ESPL1: variants seen among roughly 807,000 people sequenced by gnomAD.
The protein encoded by ESPL1 is extra spindle pole bodies like 1, separase.
ESPL1 carries 50 observed loss-of-function variants against 217.2 expected under a neutral mutation model. The observed-to-expected ratio is 0.23, with a 90% CI of 0.18 to 0.29. The LOEUF (loss-of-function observed/expected upper bound fraction) is 0.29, where lower values mean the gene tolerates loss of function less well. Ranked by LOEUF, ESPL1 falls within the 10% of genes least tolerant of loss-of-function variation. The pLI is 1.00. For missense variants in ESPL1, 1,834 were observed against 2,603.0 expected (o/e 0.70, Z 6.43); for synonymous variants, 994 against 1,081.3 (o/e 0.92, Z 1.58).
chr12:53,286,194 G>C lies in ESPL1; in HGVS notation c.3458G>C (p.Ser1153Thr), dbSNP rs1332222608. The C allele has an allele frequency of 6.2e-7, 1 of 1,614,248 alleles. No homozygotes were observed. Among genetic ancestry groups the C allele is most frequent in the Non-Finnish European group, 8.5e-7 (1 of 1,180,050 alleles). Residue 1153 changes from serine (S) to threonine (T), a missense_variant, in exon 18 of 31, where the codon AGC (serine) becomes ACC (threonine). This residue lies in a region of ESPL1 where 681 missense variants were observed against 808.0 expected (regional missense o/e 0.84). Coordinates refer to ENST00000257934, the MANE Select transcript of ESPL1 (RefSeq NM_012291.5). The surrounding 1 kb of genome is among the most constrained non-coding windows in gnomAD (Gnocchi z 5.3). ...ACCTGTGACTGCTCGCTCTGCGCCA[G>C]CCCTGTCCTCACAGCAGTCTGTCTG... Reference protein sequence around the residue: ...SPTCDCSLCASPVLTAVCLRW... With the variant: ...SPTCDCSLCATPVLTAVCLRW...
chr12:53,286,902 C>A lies in ESPL1; in HGVS notation c.4166C>A (p.Thr1389Lys). The change falls in exon 18 of 31, where the codon ACG (threonine) becomes AAG (lysine). Residue 1389 changes from threonine (T) to lysine (K), a missense_variant. This residue lies in a region of ESPL1 where 681 missense variants were observed against 808.0 expected (regional missense o/e 0.84). Transcript: ENST00000257934. This position sits in a 1 kb window ranked among gnomAD's most constrained non-coding sequence, Gnocchi z 5.3. ...CCCAGGGTACAACAGAGAGTCCAGA[C>A]GCGCCTCAAGGTGAGGTGGGACTGT... ...QAPRVQQRVQ[T>K]RLKVNFSDDS... 6.3e-7 allele frequency: 1 copy of A among 1,595,318 alleles called. No individual in the cohort carries two copies. Among genetic ancestry groups the A allele is most frequent in the Non-Finnish European group, 8.5e-7 (1 of 1,171,270 alleles).
chr12:53,277,705 G>A (rs550485183), intron 10 of ESPL1, 97 bp downstream of exon 10: 2 of 1,570,422 alleles, frequency 1.3e-6, no homozygotes, highest in East Asian at 4.5e-5. Flanking sequence ...TGTAGGGTAG[G>A]AGGTTGTGGA....
Position 53,284,114 on chromosome 12 carries a change from A to C in ESPL1, c.3134A>C (p.Asp1045Ala). ...GELELARNDI[D>A]LCQSDLQQVL... ...CTGGAGCTGGCCCGCAATGACATTGATCTCTGTCAGTCGGACCTGCAGCAG... is the reference window on the plus strand; with the variant it reads ...CTGGAGCTGGCCCGCAATGACATTGCTCTCTGTCAGTCGGACCTGCAGCAG... The change falls in exon 17 of 31, where the codon GAT (aspartate) becomes GCT (alanine). Residue 1045 changes from aspartate to alanine, a missense_variant. Around this residue, in one of 5 missense-constraint regions of ESPL1, gnomAD observed 107 missense variants for 171.7 expected, o/e 0.62. Coordinates refer to ENST00000257934, the MANE Select transcript of ESPL1 (RefSeq NM_012291.5). The C allele has an allele frequency of 6.2e-7, 1 of 1,614,064 alleles. No individual in the cohort carries two copies. Among genetic ancestry groups the C allele is most frequent in the Non-Finnish European group, 8.5e-7 (1 of 1,179,972 alleles).
intron 12 of ESPL1, 88 bp downstream of exon 12, chr12:53,279,954 C>A: frequency 7.1e-7 from 1 of 1,414,688 alleles, no homozygotes; most frequent in Non-Finnish European, 9.4e-7. Flanking sequence ...ATCAAAGGGG[C>A]AGCTTCTCGG....
At chr12:53,270,866 A>G (rs911205497) in intron 5 of ESPL1, 68 bp downstream of exon 5, 13 of 1,575,698 alleles carry the variant, frequency 8.3e-6, no homozygotes, top group Non-Finnish European at 1.1e-5. Flanking sequence ...GGTGAATAGT[A>G]CTTGCTGCGT....
At chr12:53,285,010 C>CAA (rs546915854) in intron 17 of ESPL1, among the ~76,000 whole-genome samples, 67,598 of 99,922 alleles carry the variant, frequency 0.68, 23,377 homozygotes, top group East Asian at 0.94. Context: ...GACTCTGACT[C>CAA]AAAAAAAAAA....
Position 53,286,648 on chromosome 12 carries a change from C to A in ESPL1, c.3912C>A (p.Gly1304=). The A allele has an allele frequency of 6.2e-7, 1 of 1,614,160 alleles. No individual in the cohort carries two copies. The highest frequency in any genetic ancestry group is 8.5e-7 in the Non-Finnish European group (1 of 1,180,032). ...WQPPLIKSVP[G]SEPSKTQGQK... is the part of the protein sequence containing the mutation. ...CACCATTAATAAAAAGTGTCCCTGG[C>A]TCAGAGCCCTCTAAGACTCAGGGCC... The change falls in exon 18 of 31, where the codon GGC becomes GGA. Residue 1304 remains glycine, a synonymous_variant. Transcript: ENST00000257934. The surrounding 1 kb of genome is among the most constrained non-coding windows in gnomAD (Gnocchi z 5.3).
intron 10 of ESPL1, 81 bp from the exon 11 acceptor site, chr12:53,277,740 G>C (rs956205700): frequency 3.2e-6 from 5 of 1,583,482 alleles, no homozygotes; most frequent in Non-Finnish European, 4.3e-6. Flanking sequence ...GGCGTAAAGG[G>C]CAGAGGATGT....
At chr12:53,284,403 C>T (rs866616296) in intron 17 of ESPL1, among the ~76,000 whole-genome samples, 4 of 152,002 alleles carry the variant, frequency 2.6e-5, no homozygotes, top group South Asian at 2.1e-4. Flanking sequence ...TACAGGCATG[C>T]GCCACCACAC....
At chr12:53,291,233 C>T (rs1454398602) in intron 25 of ESPL1, among the ~76,000 whole-genome samples, 4 of 149,224 alleles carry the variant, frequency 2.7e-5, no homozygotes, top group African/African-American at 7.4e-5. Context: ...ACCTGGGAGG[C>T]GGAGGTTGCA....
At chr12:53,273,653 G>A (rs534134347) in intron 6 of ESPL1, among the ~76,000 whole-genome samples, 1 of 150,832 alleles carries the variant, frequency 6.6e-6, no homozygotes, top group East Asian at 2.1e-4. Context: ...CAGCTACTTT[G>A]GAGGCTGAGG....
chr12:53,292,602 G>A lies in ESPL1; in HGVS notation c.5941G>A (p.Glu1981Lys). Residue 1981 changes from glutamate (E) to lysine (K), a missense_variant, in exon 29 of 31, where the codon GAG becomes AAG. By Grantham distance (56) the Glu-to-Lys change is moderately conservative. Transcript: ENST00000257934. This position sits in a 1 kb window ranked among gnomAD's most constrained non-coding sequence, Gnocchi z 4.5. ...AGCTGGCTGGAGAGGAGTGGTTGGG[G>A]AGGTGCCAAGACCTGAACAGGTGCA... ...SEAGWRGVVGEVPRPEQVQEA... is the reference protein window; with the variant it reads ...SEAGWRGVVGKVPRPEQVQEA... The A allele has an allele frequency of 6.2e-7, 1 of 1,612,670 alleles. No individual in the cohort carries two copies. The highest frequency in any genetic ancestry group is 8.5e-7 in the Non-Finnish European group (1 of 1,179,996).
rs776073708 is a variant in ESPL1, at chr12:53,293,502, G to T, written c.*28G>T. 2.0e-6 allele frequency: 3 copies of T among 1,536,628 alleles called. No individual in the cohort carries two copies. In the Admixed American group the frequency reaches 5.0e-5, roughly 26 times the overall value. On this transcript the variant is annotated 3_prime_UTR_variant, in exon 31 of 31. Transcript: ENST00000257934. The surrounding 1 kb of genome is among the most constrained non-coding windows in gnomAD (Gnocchi z 4.2). Reference sequence around the variant, plus strand: ...CCATGGAGCTGTCTTATTGATGCTAGAAGCCTCATAACTGTTCTACCTCCA... The same window carrying T: ...CCATGGAGCTGTCTTATTGATGCTATAAGCCTCATAACTGTTCTACCTCCA...
chr12:53,273,067 G>A (rs1009027188), intron 6 of ESPL1, among the ~76,000 whole-genome samples: 1 of 135,792 alleles, frequency 7.4e-6, no homozygotes, highest in Non-Finnish European at 1.5e-5. Flanking sequence ...GACGAGTCTC[G>A]CTCTGTCGCC....
rs1054696422 is a variant in ESPL1 at position 53,288,356 on chromosome 12, G to T, written c.4546+15G>T. 1.5e-5 allele frequency: 24 copies of T among 1,582,838 alleles called. No individual in the cohort carries two copies. Among genetic ancestry groups the T allele is most frequent in the Non-Finnish European group, 2.0e-5 (23 of 1,164,694 alleles). On this transcript the variant is annotated intron_variant, in intron 19 of 30. Transcript: ENST00000257934. Reference sequence around the variant, plus strand: ...CTCAGCCTCAGGTAGGACAGCAAGGGTGAGGTGGAAGGTGCATGTTTTGGG... The same window carrying T: ...CTCAGCCTCAGGTAGGACAGCAAGGTTGAGGTGGAAGGTGCATGTTTTGGG...
rs1410199465 is a variant in ESPL1, at chr12:53,269,799, A to G, written c.857A>G (p.Asn286Ser). The change falls in exon 3 of 31, where the codon AAT becomes AGT. Residue 286 changes from asparagine (N) to serine (S), a missense_variant. By Grantham distance (46) the Asn-to-Ser change is conservative. Coordinates refer to ENST00000257934, the MANE Select transcript of ESPL1 (RefSeq NM_012291.5). The surrounding 1 kb of genome is among the most constrained non-coding windows in gnomAD (Gnocchi z 6.7). ...EKAHSYLRNT[N>S]LAPSLQLCQL... Reference sequence around the variant, plus strand: ...GCTCACAGTTACCTAAGGAACACCAATCTAGCCCCTAGCCTTCAGCTATGT... The same window carrying G: ...GCTCACAGTTACCTAAGGAACACCAGTCTAGCCCCTAGCCTTCAGCTATGT... 1.1e-5 allele frequency: 17 copies of G among 1,614,156 alleles called. No homozygotes were observed. The highest frequency in any genetic ancestry group is 3.3e-5 in the Admixed American group (2 of 60,010).
At chr12:53,273,909 G>C (rs1193916034) in intron 6 of ESPL1, among the ~76,000 whole-genome samples, 2 of 119,692 alleles carry the variant, frequency 1.7e-5, no homozygotes, top group Non-Finnish European at 3.3e-5. Context: ...AGGCTGGAGT[G>C]CAGTGGCACG....
At chr12:53,270,151 T>C in intron 3 of ESPL1, 66 bp downstream of exon 3, 1 of 1,412,262 alleles carries the variant, frequency 7.1e-7, no homozygotes, top group East Asian at 2.3e-5. Context: ...CCTAGGGTAT[T>C]TGGCAAGATC....
intron 6 of ESPL1, among the ~76,000 whole-genome samples, chr12:53,273,926 G>T (rs558541302): frequency 8.6e-4 from 104 of 120,580 alleles, no homozygotes; most frequent in Non-Finnish European, 1.4e-3. Flanking sequence ...CACGATCTCG[G>T]CTCACTGCAA....
Sources: allele counts gnomAD v4.1 joint callset (sites outside exome capture counted in the v4.1 genomes callset), GRCh38; gene constraint gnomAD v4.1.1; regional missense constraint gnomAD v4.1.1; non-coding constraint Gnocchi (gnomAD v3.1); transcripts MANE v1.5; gene names NCBI Gene and HGNC (gene_info 2026-07-23, HGNC 2026-07-21).